The following ADAM19 variants were observed in gnomAD, a reference collection of about 807,000 sequenced individuals.
The protein encoded by ADAM19 is disintegrin and metalloproteinase domain-containing protein 19.
Under a neutral mutation model 114.7 loss-of-function variants are expected in ADAM19, and 65 were observed. The ratio of observed to expected loss-of-function variants is 0.57; its 90% CI spans 0.46 to 0.70. The LOEUF is 0.70. ADAM19 is among the 30% of genes least tolerant of loss of function. The pLI is 0.00. For synonymous variants in ADAM19, 466 were observed against 460.5 expected (o/e 1.01, Z -0.15); for missense variants, 1,063 against 1,204.7 (o/e 0.88, Z 1.74).
chr5:157,527,404 G>A (rs1244839047), intron 5 of ADAM19, among the ~76,000 whole-genome samples: 2 of 152,102 alleles, frequency 1.3e-5, no homozygotes, highest in Non-Finnish European at 2.9e-5. Flanking sequence ...TAGAGATGGG[G>A]TTTCACCGTG....
intron 2 of ADAM19, 108 bp downstream of exon 2, chr5:157,570,787 C>A (rs2113801401): frequency 2.1e-6 from 2 of 957,604 alleles, no homozygotes; most frequent in Non-Finnish European, 3.2e-6. Flanking sequence ...CAGAGTGGGC[C>A]AGAAACAGAA....
At position 157,524,394 on chromosome 5, in the gene ADAM19, C is replaced by T. The variant is rs575621616; in HGVS notation, c.408-4363G>A. ...ACAAATGAAATTGTATAGGAAAACC[C>T]GGGCAGGCCAGGCCAGGCAGGCACC... On this transcript the variant is annotated intron_variant, in intron 5 of 22. Coordinates refer to ENST00000257527, the MANE Select transcript of ADAM19 (RefSeq NM_033274.5). 1.4e-3 allele frequency among the ~76,000 whole-genome samples: 213 copies of T among 152,324 alleles called. 2 individuals are homozygous for T. The highest frequency in any genetic ancestry group is 5.0e-3 in the African/African-American group (207 of 41,576).
At chr5:157,497,192 AT>A (rs1755393442) in intron 13 of ADAM19, 103 bp from the exon 14 acceptor site, 2 of 1,087,302 alleles carry the variant, frequency 1.8e-6, no homozygotes, top group Non-Finnish European at 2.4e-6. Flanking sequence ...AGAATTTTCC[AT>A]TACCATGATT....
At position 157,505,832 on chromosome 5, in the gene ADAM19, T is replaced by TCAAG. The variant is rs1160307633; in HGVS notation, c.991-28_991-25dup. On this transcript the variant is annotated intron_variant, in intron 10 of 22. Coordinates refer to ENST00000257527, the MANE Select transcript of ADAM19 (RefSeq NM_033274.5). ...TCCTGCTCAGAAGACAGAGTTGAGG[T>TCAAG]CAAGGTCAAGGGGACAGATCTGCCT... is the stretch of plus-strand genomic sequence containing the variant. The TCAAG allele has an allele frequency of 1.9e-6, 3 of 1,609,484 alleles. No homozygotes were observed. The East Asian group carries it at 6.7e-5, about 36-fold the overall frequency.
intron 19 of ADAM19, among the ~76,000 whole-genome samples, chr5:157,490,102 G>T (rs1490186032): frequency 6.6e-6 from 1 of 152,172 alleles, no homozygotes; most frequent in Non-Finnish European, 1.5e-5. Flanking sequence ...AAGAACTCAG[G>T]AGTGATGACC....
intron 12 of ADAM19, among the ~76,000 whole-genome samples, chr5:157,501,017 G>A (rs1409816401): frequency 2.6e-5 from 4 of 152,146 alleles, no homozygotes; most frequent in Admixed American, 2.6e-4. Flanking sequence ...CCTACCTCAT[G>A]TTTATCAACC....
At chr5:157,558,647 G>A (rs138324979) in intron 3 of ADAM19, among the ~76,000 whole-genome samples, 2,333 of 152,310 alleles carry the variant, frequency 0.015, 29 homozygotes, top group Non-Finnish European at 0.022. Context: ...TAGGTAAGAT[G>A]TTAAAGTCTA....
At position 157,519,987 on chromosome 5, in the gene ADAM19, G is replaced by A; in HGVS notation, c.452C>T (p.Pro151Leu). 6.2e-7 allele frequency: 1 copy of A among 1,614,094 alleles called. No homozygotes were observed. The highest frequency in any genetic ancestry group is 2.2e-5 in the East Asian group (1 of 44,866). ...GTGTTGGCCCTTGCTGTCAGGGAGG[G>A]GCTCGATGACGTAGCTGAGGTTGCT... ...VSSNLSYVIE[P>L]LPDSKGQHLI... Residue 151 changes from proline (P) to leucine (L), a missense_variant, in exon 6 of 23, where the codon CCC (proline) becomes CTC (leucine). By Grantham distance (98) the Pro-to-Leu change is moderately conservative (BLOSUM62 -3). Coordinates refer to ENST00000257527, the MANE Select transcript of ADAM19 (RefSeq NM_033274.5).
At chr5:157,549,904 T>C (rs745310031) in intron 3 of ADAM19, among the ~76,000 whole-genome samples, 3 of 152,218 alleles carry the variant, frequency 2.0e-5, no homozygotes, top group East Asian at 1.9e-4. Flanking sequence ...ATCTATATAA[T>C]GTAATACCAT....
In ADAM19 at chr5:157,499,826, G is replaced by A. The variant is rs535769815; in HGVS notation, c.1309-164C>T. 4.7e-5 allele frequency among the ~76,000 whole-genome samples: 7 copies of A among 148,796 alleles called. No homozygotes were observed. In the South Asian group the frequency reaches 1.5e-3, roughly 32 times the overall value. ...GAGTCTCGATCTGTCACCCAGGCTG[G>A]AGTGCAGTGATGCAATATCTCGGGT... On this transcript the variant is annotated intron_variant, in intron 12 of 22. Coordinates refer to ENST00000257527, the MANE Select transcript of ADAM19 (RefSeq NM_033274.5).
chr5:157,483,968 C>T (rs1470400182), intron 21 of ADAM19, among the ~76,000 whole-genome samples: 1 of 149,832 alleles, frequency 6.7e-6, no homozygotes, highest in Non-Finnish European at 1.5e-5. Context: ...TTAACAAGAG[C>T]ATGTACGTGT....
At chr5:157,560,079 A>C (rs1410829493) in intron 3 of ADAM19, among the ~76,000 whole-genome samples, 5 of 151,352 alleles carry the variant, frequency 3.3e-5, no homozygotes, top group Non-Finnish European at 7.4e-5. Flanking sequence ...TCCCGGCTAA[A>C]ACGGTGAAAC....
At chr5:157,540,484 T>G (rs1756886564) in intron 3 of ADAM19, among the ~76,000 whole-genome samples, 1 of 152,154 alleles carries the variant, frequency 6.6e-6, no homozygotes, top group Non-Finnish European at 1.5e-5. Flanking sequence ...ATTCACCCAG[T>G]GACATTACCC....
intron 21 of ADAM19, among the ~76,000 whole-genome samples, chr5:157,486,299 G>A (rs767747169): frequency 3.9e-5 from 6 of 152,172 alleles, no homozygotes; most frequent in Non-Finnish European, 7.3e-5. Flanking sequence ...GCTGTGAGGA[G>A]GCAGGTGGCA....
At chr5:157,510,728 T>C (rs1480606471) in intron 8 of ADAM19, among the ~76,000 whole-genome samples, 1 of 152,256 alleles carries the variant, frequency 6.6e-6, no homozygotes, top group Non-Finnish European at 1.5e-5. Context: ...TGTATTCGTT[T>C]ATGATTTCTC....
chr5:157,575,116 T>C (rs1757936363), intron 1 of ADAM19, among the ~76,000 whole-genome samples: 1 of 152,100 alleles, frequency 6.6e-6, no homozygotes, highest in Admixed American at 6.5e-5. Flanking sequence ...CGCGGGCATT[T>C]TATGTCCTAC....
intron 8 of ADAM19, among the ~76,000 whole-genome samples, chr5:157,511,256 G>A (rs1755912014): frequency 6.6e-6 from 1 of 152,076 alleles, no homozygotes; most frequent in South Asian, 2.1e-4. Context: ...ATCCAAAATT[G>A]GTAGGTACTG....
At chr5:157,494,907 C>T in intron 14 of ADAM19, 112 bp from the exon 15 acceptor site, 1 of 755,262 alleles carries the variant, frequency 1.3e-6, no homozygotes, top group East Asian at 2.8e-5. Flanking sequence ...AGGGAATACT[C>T]AGCCTCTTCT....
chr5:157,491,770 G>T (rs1452059006), intron 17 of ADAM19, 47 bp from the exon 18 acceptor site: 1 of 1,611,758 alleles, frequency 6.2e-7, no homozygotes, highest in East Asian at 2.2e-5. Flanking sequence ...GAGAGCATCA[G>T]CCACCCACAG....
Sources: allele counts gnomAD v4.1 joint callset (sites outside exome capture counted in the v4.1 genomes callset), GRCh38; gene constraint gnomAD v4.1.1; transcripts MANE v1.5; gene names NCBI Gene and HGNC (gene_info 2026-07-23, HGNC 2026-07-21).